EFCAB6: variants seen among roughly 807,000 people sequenced by gnomAD.
EFCAB6 encodes EF-hand calcium binding domain 6.
In EFCAB6, 156 loss-of-function variants were observed where a neutral mutation model predicts 169.8. The ratio of observed to expected loss-of-function variants is 0.92; its 90% CI spans 0.81 to 1.05. The LOEUF (loss-of-function observed/expected upper bound fraction) is 1.05, where lower values mean the gene tolerates loss of function less well. Ranked by LOEUF, EFCAB6 falls within the 50% of genes least tolerant of loss-of-function variation. The pLI is 0.00. For missense variants in EFCAB6, 1,800 were observed against 1,829.1 expected (o/e 0.98, Z 0.29); for synonymous variants, 698 against 676.4 (o/e 1.03, Z -0.50).
chr22:43,561,988 G>A (rs952284165), intron 26 of EFCAB6, among the ~76,000 whole-genome samples: 2 of 152,120 alleles, frequency 1.3e-5, no homozygotes, highest in Admixed American at 6.5e-5. Flanking sequence ...TGCTGGGCCC[G>A]AACACCTCAC....
At chr22:43,740,797 G>A (rs1362187388) in intron 6 of EFCAB6, among the ~76,000 whole-genome samples, 1 of 152,162 alleles carries the variant, frequency 6.6e-6, no homozygotes, top group African/African-American at 2.4e-5. Context: ...CACTGACAGC[G>A]CCTGCTCTCA....
chr22:43,700,501 CCTGA>C, intron 10 of EFCAB6, among the ~76,000 whole-genome samples: 1 of 152,214 alleles, frequency 6.6e-6, no homozygotes, highest in South Asian at 2.1e-4. Context: ...ATGCAGTAAG[CCTGA>C]CTTTTTCTCT....
chr22:43,581,792 A>G (rs1272958606), intron 24 of EFCAB6, among the ~76,000 whole-genome samples: 1 of 152,240 alleles, frequency 6.6e-6, no homozygotes, highest in Non-Finnish European at 1.5e-5. Context: ...GCCGCCTTGC[A>G]CAGGCTCTGC....
At chr22:43,646,332 T>G (rs1252065242) in intron 17 of EFCAB6, among the ~76,000 whole-genome samples, 2 of 152,222 alleles carry the variant, frequency 1.3e-5, no homozygotes, top group Non-Finnish European at 2.9e-5. Flanking sequence ...ATAAATGTAA[T>G]GTAAGTCCAG....
At chr22:43,574,959 G>A (rs1022795146) in intron 26 of EFCAB6, among the ~76,000 whole-genome samples, 3 of 152,184 alleles carry the variant, frequency 2.0e-5, no homozygotes, top group Admixed American at 6.5e-5. Context: ...AATGCTGGCC[G>A]TTTCTGGGAA....
At chr22:43,568,918 G>A (rs1027570629) in intron 26 of EFCAB6, among the ~76,000 whole-genome samples, 1 of 152,202 alleles carries the variant, frequency 6.6e-6, no homozygotes, top group Non-Finnish European at 1.5e-5. Context: ...TTGAAAGGGG[G>A]CTTCTCCAGT....
intron 12 of EFCAB6, among the ~76,000 whole-genome samples, chr22:43,678,874 G>C (rs1268384408): frequency 3.3e-5 from 5 of 152,136 alleles, no homozygotes; most frequent in African/African-American, 1.2e-4. Flanking sequence ...TATTAAGTAA[G>C]CAATAAAGCA....
chr22:43,621,695 C>T (rs368688123), intron 20 of EFCAB6, among the ~76,000 whole-genome samples: 1 of 151,240 alleles, frequency 6.6e-6, no homozygotes, highest in South Asian at 2.1e-4. Flanking sequence ...TAATAAAGAC[C>T]AAAAATCAAT....
At chr22:43,784,658 T>C (rs1375207089) in intron 2 of EFCAB6, among the ~76,000 whole-genome samples, 10 of 98,610 alleles carry the variant, frequency 1.0e-4, no homozygotes, top group East Asian at 2.7e-4. Flanking sequence ...TATATGTGTA[T>C]ATATACATAT....
intron 24 of EFCAB6, among the ~76,000 whole-genome samples, chr22:43,586,032 A>T (rs138991309): frequency 2.0e-5 from 3 of 152,192 alleles, no homozygotes; most frequent in Non-Finnish European, 2.9e-5. Flanking sequence ...CATTCTTTAG[A>T]GAGAAGGAAA....
At chr22:43,666,396 C>T (rs1022474534) in intron 17 of EFCAB6, among the ~76,000 whole-genome samples, 1 of 152,144 alleles carries the variant, frequency 6.6e-6, no homozygotes, top group Non-Finnish European at 1.5e-5. Flanking sequence ...GGGCAGGCAC[C>T]GGATGAAGGG....
intron 10 of EFCAB6, among the ~76,000 whole-genome samples, chr22:43,691,986 A>T (rs1173085404): frequency 6.6e-6 from 1 of 152,192 alleles, no homozygotes; most frequent in Non-Finnish European, 1.5e-5. Flanking sequence ...CAGTTAAAAA[A>T]AATAATAATA....
At position 43,555,084 on chromosome 22, in the gene EFCAB6, A is replaced by G. The variant is rs984612651; in HGVS notation, c.3433T>C (p.Trp1145Arg). The G allele has an allele frequency of 5.0e-6, 8 of 1,614,040 alleles. No individual in the cohort carries two copies. The highest frequency in any genetic ancestry group is 3.3e-5 in the Admixed American group (2 of 60,008). The change falls in exon 27 of 32, where the codon TGG becomes CGG. Residue 1145 changes from tryptophan to arginine, a missense_variant. Physicochemically the swap from Trp to Arg is moderately radical, Grantham distance 101. Transcript: ENST00000262726. ...GGGCCTTTGGGCATTTTCTCAGCCC[A>G]CTCATCAGCTGTCTGGACAAAATAG... ...SCFLEETADE[W>R]AEKMPKGPPP...
chr22:43,717,052 T>A, intron 8 of EFCAB6, 80 bp from the exon 9 acceptor site: 1 of 1,381,988 alleles, frequency 7.2e-7, no homozygotes, highest in Non-Finnish European at 9.4e-7. Context: ...TAATCATTAC[T>A]TGTTTGGTAA....
intron 30 of EFCAB6, 149 bp downstream of exon 30, chr22:43,534,539 C>T (rs538019278): frequency 4.5e-6 from 3 of 669,248 alleles, no homozygotes; most frequent in South Asian, 5.4e-5. Flanking sequence ...AGCAGGAGGA[C>T]CACCTAAGCT....
At chr22:43,693,189 C>G (rs139853619) in intron 10 of EFCAB6, among the ~76,000 whole-genome samples, 38 of 152,034 alleles carry the variant, frequency 2.5e-4, no homozygotes, top group African/African-American at 8.7e-4. Flanking sequence ...TATGCAGTCA[C>G]AAGAGAGACA....
At chr22:43,682,386 G>T (rs1486318823) in intron 12 of EFCAB6, among the ~76,000 whole-genome samples, 1 of 152,186 alleles carries the variant, frequency 6.6e-6, no homozygotes, top group Non-Finnish European at 1.5e-5. Flanking sequence ...GCACAACAAT[G>T]ACTTTTAAAC....
At position 43,785,521 on chromosome 22, in the gene EFCAB6, T is replaced by A. The variant is rs2062045115; in HGVS notation, c.-7-3196A>T. On this transcript the variant is annotated intron_variant, in intron 2 of 31. Transcript: ENST00000262726. ...GGATGCAGCTAAAACAGTGCTTAGA[T>A]GAAAATTTGTAGATGTTAATGCCTA... Among the ~76,000 whole-genome samples the A allele has an allele frequency of 2.0e-5, 3 of 151,902 alleles. No individual in the cohort carries two copies. The South Asian group carries it at 6.2e-4, about 32-fold the overall frequency.
intron 10 of EFCAB6, among the ~76,000 whole-genome samples, chr22:43,698,682 C>G (rs2058665299): frequency 6.6e-6 from 1 of 152,140 alleles, no homozygotes; most frequent in South Asian, 2.1e-4. Context: ...CATTATATGC[C>G]TTAACCCAGC....
Sources: allele counts gnomAD v4.1 joint callset (sites outside exome capture counted in the v4.1 genomes callset), GRCh38; gene constraint gnomAD v4.1.1; transcripts MANE v1.5; gene names NCBI Gene and HGNC (gene_info 2026-07-23, HGNC 2026-07-21).